SNRPN: variants seen among roughly 807,000 people sequenced by gnomAD.
SNRPN encodes small nuclear ribonucleoprotein-associated protein N.
In SNRPN, 7 loss-of-function variants were observed where a neutral mutation model predicts 25.2. The observed-to-expected ratio is 0.28, with a 90% CI of 0.16 to 0.52. The LOEUF (loss-of-function observed/expected upper bound fraction) is 0.52, where lower values mean the gene tolerates loss of function less well. SNRPN is among the 20% of genes least tolerant of loss of function. SNRPN has a pLI of 0.96. For missense variants in SNRPN, 196 were observed against 322.5 expected, an observed-to-expected ratio of 0.61 and a Z score of 3.00; for synonymous variants, 124 against 110.6, an observed-to-expected ratio of 1.12 and a Z score of -0.76.
intron 1 of SNRPN, among the ~76,000 whole-genome samples, chr15:24,868,122 T>TAC (rs1491347981): frequency 1.2e-5 from 1 of 85,534 alleles, no homozygotes; most frequent in Non-Finnish European, 2.2e-5. Context: ...TGTGTGTGTG[T>TAC]ATATATATAT....
chr15:24,955,645 G>C (rs1490930012), intron 1 of SNRPN, among the ~76,000 whole-genome samples: 1 of 148,266 alleles, frequency 6.7e-6, no homozygotes, highest in African/African-American at 2.5e-5. Context: ...AGGAGGCTAT[G>C]GCAGTGGACC....
chr15:24,939,039 T>C (rs937317370), intron 3 of SNRPN, among the ~76,000 whole-genome samples: 3 of 152,224 alleles, frequency 2.0e-5, no homozygotes, highest in Non-Finnish European at 2.9e-5. Context: ...AAATAAGATA[T>C]AGTTAATATA....
At chr15:24,848,231 T>TGGGGGC (rs2052400687) in intron 2 of SNRPN, 2 of 95,432 alleles carry the variant, frequency 2.1e-5, no homozygotes, top group Non-Finnish European at 4.0e-5. Flanking sequence ...GGGGCGGCGG[T>TGGGGGC]GGGGGCGGGG....
At chr15:24,940,604 A>T (rs760354199) in intron 3 of SNRPN, among the ~76,000 whole-genome samples, 1 of 152,072 alleles carries the variant, frequency 6.6e-6, no homozygotes, top group Admixed American at 6.6e-5. Context: ...TTTACATTTC[A>T]GAATCAGTAT....
chr15:24,886,559 C>T (rs2057222900), exon 2 of SNRPN: 1 of 152,234 alleles, frequency 6.6e-6, no homozygotes, highest in South Asian at 2.1e-4. Flanking sequence ...AGTCTCCACA[C>T]AGCTAGCAGC....
rs139245463 is a variant in SNRPN at position 24,931,729 on chromosome 15, T to A, written c.-391+11605T>A. Among the ~76,000 whole-genome samples, 1,102 of 148,518 alleles carry A rather than the reference T, an allele frequency of 7.4e-3. 21 individuals are homozygous for A. The highest frequency in any genetic ancestry group is 0.061 in the East Asian group (307 of 5,010). ...GGCACATGGCTGTAGTCCCAGCTAC[T>A]CAGGGGGCTGAGGTGGGAGAATCCC... On this transcript the variant is annotated intron_variant, in intron 3 of 11. Coordinates refer to the SNRPN transcript ENST00000400097.
intron 2 of SNRPN, among the ~76,000 whole-genome samples, chr15:24,965,255 A>G (rs2153536219): frequency 6.6e-6 from 1 of 152,228 alleles, no homozygotes; most frequent in South Asian, 2.1e-4. Flanking sequence ...TCAATGAAGG[A>G]GGCTGGGTGC....
At chr15:24,918,485 AAT>A (rs1491362889) in intron 2 of SNRPN, among the ~76,000 whole-genome samples, 3 of 123,964 alleles carry the variant, frequency 2.4e-5, no homozygotes, top group South Asian at 2.5e-4. Flanking sequence ...TATATAACAT[AAT>A]ATATATGTGT....
chr15:24,936,758 A>G (rs1247585329), intron 3 of SNRPN, among the ~76,000 whole-genome samples: 1 of 152,094 alleles, frequency 6.6e-6, no homozygotes, highest in African/African-American at 2.4e-5. Context: ...CAAAGGGGAA[A>G]TCCACCCCTG....
At chr15:24,879,418 C>G (rs556131565) in intron 1 of SNRPN, among the ~76,000 whole-genome samples, 1 of 144,450 alleles carries the variant, frequency 6.9e-6, no homozygotes, top group East Asian at 2.0e-4. Flanking sequence ...GCCTGGAGGA[C>G]AGAGTGCGAT....
rs370900375 is a variant in SNRPN, at chr15:24,946,855, A to G, written c.-390-15259A>G. 9.2e-5 allele frequency among the ~76,000 whole-genome samples: 14 copies of G among 152,298 alleles called. No individual in the cohort carries two copies. In the East Asian group the frequency reaches 2.1e-3, roughly 23 times the overall value. ...CCAGAACATGATTTTTAAATGAACTAATGTTAAAGTACTTAGAAAAGTATC... is the reference window on the plus strand; with the variant it reads ...CCAGAACATGATTTTTAAATGAACTGATGTTAAAGTACTTAGAAAAGTATC... On this transcript the variant is annotated intron_variant, in intron 3 of 11. Coordinates refer to the SNRPN transcript ENST00000400097.
At chr15:24,853,519 A>G (rs995563155), upstream of SNRPN, among the ~76,000 whole-genome samples, 3 of 151,544 alleles carry the variant, frequency 2.0e-5, no homozygotes, top group Non-Finnish European at 4.4e-5. Context: ...TCAGTCTCCC[A>G]AGTAGCTGGG....
intron 3 of SNRPN, among the ~76,000 whole-genome samples, chr15:24,941,317 C>A (rs760381839): frequency 6.6e-6 from 1 of 152,172 alleles, no homozygotes; most frequent in Non-Finnish European, 1.5e-5. Context: ...CATACACAAA[C>A]CTATTTATAA....
intron 1 of SNRPN, chr15:24,958,859 C>G (rs115963741): frequency 3.4e-4 from 53 of 154,448 alleles, no homozygotes; most frequent in African/African-American, 1.2e-3. Flanking sequence ...CCTGTTAGTA[C>G]AGGCTTGAGG....
intron 2 of SNRPN, among the ~76,000 whole-genome samples, chr15:24,908,696 G>GT (rs34344794): frequency 1.3e-5 from 2 of 151,796 alleles, no homozygotes; most frequent in African/African-American, 4.8e-5. Flanking sequence ...AAAGTTACAA[G>GT]TTTTTTTCTA....
intron 1 of SNRPN, among the ~76,000 whole-genome samples, chr15:24,961,451 T>C (rs891305623): frequency 2.2e-4 from 33 of 152,326 alleles, no homozygotes; most frequent in African/African-American, 7.7e-4. Flanking sequence ...AGGTGGTTTC[T>C]GCAGTCCCTA....
intron 1 of SNRPN, among the ~76,000 whole-genome samples, chr15:24,875,257 A>T (rs1010898922): frequency 6.6e-6 from 1 of 152,206 alleles, no homozygotes; most frequent in Non-Finnish European, 1.5e-5. Context: ...TCCAGTTGTG[A>T]ATCTGAGCTA....
intron 5 of SNRPN, 74 bp downstream of exon 5, chr15:24,975,583 A>G: frequency 7.8e-7 from 1 of 1,274,608 alleles, no homozygotes; most frequent in Non-Finnish European, 1.1e-6. Flanking sequence ...GGAGTAAGGG[A>G]TTTCCGAGGG....
At chr15:24,882,823 C>CAAAAAAAA (rs10543501) in intron 1 of SNRPN, among the ~76,000 whole-genome samples, 1 of 127,110 alleles carries the variant, frequency 7.9e-6, no homozygotes, top group African/African-American at 3.0e-5. Context: ...GACTCCATCT[C>CAAAAAAAA]AAAAAAAAAA....
Sources: allele counts gnomAD v4.1 joint callset (sites outside exome capture counted in the v4.1 genomes callset), GRCh38; gene constraint gnomAD v4.1.1; transcripts MANE v1.5; gene names NCBI Gene and HGNC (gene_info 2026-07-23, HGNC 2026-07-21).